Variants in RAPGEF4 observed in about 807,000 individuals in gnomAD.
The protein encoded by RAPGEF4 is RAP guanine-nucleotide-exchange factor (GEF) 4.
A neutral mutation model predicts 147.9 loss-of-function variants in RAPGEF4; 66 were observed. The observed-to-expected ratio is 0.45, with a 90% CI of 0.37 to 0.55. The LOEUF (loss-of-function observed/expected upper bound fraction) is 0.55. RAPGEF4 is among the 20% of genes least tolerant of loss of function. The pLI is 0.00. For missense variants in RAPGEF4, 1,071 were observed against 1,257.3 expected, an observed-to-expected ratio of 0.85 and a Z score of 2.24; for synonymous variants, 419 against 442.7, an observed-to-expected ratio of 0.95 and a Z score of 0.67.
intron 1 of RAPGEF4, among the ~76,000 whole-genome samples, chr2:172,778,737 G>C (rs1684407782): frequency 6.6e-6 from 1 of 152,162 alleles, no homozygotes; most frequent in African/African-American, 2.4e-5. Context: ...TACATAAATA[G>C]TGTAATACCA....
At chr2:172,749,062 C>T (rs1331652597) in intron 1 of RAPGEF4, among the ~76,000 whole-genome samples, 1 of 152,224 alleles carries the variant, frequency 6.6e-6, no homozygotes, top group Non-Finnish European at 1.5e-5. Context: ...TTGCAGGGTA[C>T]AGCCTCCTTC....
In RAPGEF4 at chr2:173,014,541, G is replaced by A. The variant is rs200217066; in HGVS notation, c.1736G>A (p.Arg579His). ...YALNNKRRVI[R>H]LVLQWAAMYG... ...CTCAACAATAAGAGGCGAGTCATCC[G>A]CCTGGTTCTACAGTGGGCTGCCATG... The change falls in exon 18 of 31, where the codon CGC (arginine) becomes CAC (histidine). Residue 579 changes from arginine (R) to histidine (H), a missense_variant. Coordinates refer to ENST00000397081, the MANE Select transcript of RAPGEF4 (RefSeq NM_007023.4). The A allele has an allele frequency of 4.8e-5, 77 of 1,613,994 alleles. No homozygotes were observed. Among genetic ancestry groups the A allele is most frequent in the Non-Finnish European group, 5.8e-5 (69 of 1,180,008 alleles).
chr2:172,903,523 A>G (rs1699307353), intron 4 of RAPGEF4, among the ~76,000 whole-genome samples: 1 of 151,190 alleles, frequency 6.6e-6, no homozygotes, highest in Admixed American at 6.6e-5. Context: ...GGGCGACAAG[A>G]GTGAAACTCC....
At chr2:173,034,122 C>T (rs1683594673) in intron 27 of RAPGEF4, among the ~76,000 whole-genome samples, 158 bp downstream of exon 27, 1 of 152,208 alleles carries the variant, frequency 6.6e-6, no homozygotes, top group South Asian at 2.1e-4. Context: ...GCATGTCTGA[C>T]TAATGAATGG....
chr2:172,955,419 A>G (rs1174681893), intron 6 of RAPGEF4, among the ~76,000 whole-genome samples: 1 of 152,224 alleles, frequency 6.6e-6, no homozygotes, highest in Non-Finnish European at 1.5e-5. Context: ...ACAAAAATCA[A>G]TTACAGTCAG....
chr2:172,932,684 AT>A (rs1489079534), intron 6 of RAPGEF4, among the ~76,000 whole-genome samples: 1 of 151,866 alleles, frequency 6.6e-6, no homozygotes, highest in Admixed American at 6.6e-5. Context: ...TCTTAAATAG[AT>A]TTTTTTTTAC....
At chr2:172,944,652 G>C (rs1687505873) in intron 6 of RAPGEF4, among the ~76,000 whole-genome samples, 2 of 152,280 alleles carry the variant, frequency 1.3e-5, no homozygotes, top group South Asian at 4.1e-4. Context: ...ACCCCAGTCT[G>C]ACTGAAAGCT....
intron 22 of RAPGEF4, among the ~76,000 whole-genome samples, chr2:173,020,268 A>G (rs994197526): frequency 6.6e-5 from 10 of 152,206 alleles, no homozygotes; most frequent in African/African-American, 1.9e-4. Context: ...TGATCTTTCT[A>G]TGTCCAAAGT....
intron 1 of RAPGEF4, among the ~76,000 whole-genome samples, chr2:172,753,904 GAC>G (rs1384023171): frequency 1.5e-5 from 2 of 135,068 alleles, no homozygotes; most frequent in Admixed American, 7.4e-5. Flanking sequence ...ACACACACCC[GAC>G]ACACACCGCA....
At chr2:173,030,678 A>G (rs1469321185) in intron 26 of RAPGEF4, among the ~76,000 whole-genome samples, 2 of 152,178 alleles carry the variant, frequency 1.3e-5, no homozygotes, top group Non-Finnish European at 2.9e-5. Context: ...CCAAGTACTC[A>G]TTTTGCTTCT....
chr2:172,787,872 G>T (rs1300746092), intron 1 of RAPGEF4, among the ~76,000 whole-genome samples: 1 of 152,060 alleles, frequency 6.6e-6, no homozygotes, highest in Non-Finnish European at 1.5e-5. Flanking sequence ...CTCCCACCTT[G>T]GCCTCCCAAA....
rs560826148 is a variant in RAPGEF4, at chr2:172,828,218, T to C, written c.444+13793T>C. Among the ~76,000 whole-genome samples the C allele has an allele frequency of 3.9e-5, 6 of 152,228 alleles. No individual in the cohort carries two copies. In the East Asian group the frequency reaches 9.7e-4, roughly 24 times the overall value. On this transcript the variant is annotated intron_variant, in intron 4 of 30. Transcript: ENST00000397081. ...AGGTGGAAGGAATAGAGAAAGTAAT[T>C]GCCAAGGAGAGTGAAAAGGGTTTCC...
chr2:172,955,699 T>C (rs1688658974), intron 6 of RAPGEF4, among the ~76,000 whole-genome samples: 1 of 152,184 alleles, frequency 6.6e-6, no homozygotes, highest in South Asian at 2.1e-4. Flanking sequence ...AACATGGGGC[T>C]CTAGGAAGCA....
chr2:172,774,906 C>A (rs1181986063), intron 1 of RAPGEF4, among the ~76,000 whole-genome samples: 2 of 152,202 alleles, frequency 1.3e-5, no homozygotes, highest in East Asian at 3.9e-4. Flanking sequence ...ATTCAAAATT[C>A]TGATGCTGTT....
rs1442169361 is a variant in RAPGEF4, at chr2:172,904,522, CA to C, written c.445-13277del. ...ATGGTTGATTAATTACTCAAATATA[CA>C]AAGTGTGCACTAACTAAAATTACAC... is the stretch of plus-strand genomic sequence containing the variant. On this transcript the variant is annotated intron_variant, in intron 4 of 30. Transcript: ENST00000397081. 2.6e-5 allele frequency among the ~76,000 whole-genome samples: 4 copies of C among 152,170 alleles called. No homozygotes were observed. The East Asian group carries it at 7.7e-4, about 29-fold the overall frequency.
chr2:172,885,769 G>A (rs1474709115), intron 4 of RAPGEF4, among the ~76,000 whole-genome samples: 1 of 152,184 alleles, frequency 6.6e-6, no homozygotes, highest in Non-Finnish European at 1.5e-5. Context: ...TTCAAGATGA[G>A]ATTTAGGTGG....
chr2:172,796,803 G>A (rs1259974344), intron 2 of RAPGEF4, among the ~76,000 whole-genome samples: 1 of 152,186 alleles, frequency 6.6e-6, no homozygotes, highest in African/African-American at 2.4e-5. Context: ...CTGACTTTAA[G>A]TGTGAAGAGG....
intron 4 of RAPGEF4, among the ~76,000 whole-genome samples, chr2:172,905,271 A>G (rs1211687319): frequency 6.6e-6 from 1 of 151,946 alleles, no homozygotes; most frequent in East Asian, 1.9e-4. Flanking sequence ...TTGTACTGTC[A>G]TGTGTTGGTA....
chr2:173,032,203 C>A (rs950634190), intron 26 of RAPGEF4, among the ~76,000 whole-genome samples: 2 of 152,188 alleles, frequency 1.3e-5, no homozygotes, highest in African/African-American at 4.8e-5. Flanking sequence ...GTGGAGACGT[C>A]TTCTCTGTTG....
Sources: gnomAD v4.1 joint callset for allele counts (sites outside exome capture counted in the v4.1 genomes callset) on GRCh38, gnomAD v4.1.1 for gene constraint, MANE v1.5 for transcripts, NCBI Gene and HGNC (gene_info 2026-07-23, HGNC 2026-07-21) for gene names.